The following ANKRD17 variants were observed in gnomAD, a reference collection of about 807,000 sequenced individuals.
The protein encoded by ANKRD17 is ankyrin repeat domain-containing protein 17.
Under a neutral mutation model 229.7 loss-of-function variants are expected in ANKRD17, and 19 were observed. The observed-to-expected ratio is 0.08, with a 90% CI of 0.06 to 0.12. The LOEUF is 0.12. Among genes scored for constraint, ANKRD17 ranks in the 10% least tolerant of loss-of-function variants. The pLI is 1.00. For synonymous variants in ANKRD17, 1,112 were observed against 1,146.1 expected (o/e 0.97, Z 0.60); for missense variants, 2,176 against 3,176.8 (o/e 0.68, Z 7.57).
chr4:73,132,974 C>T (rs759052631), intron 16 of ANKRD17, among the ~76,000 whole-genome samples: 7 of 152,072 alleles, frequency 4.6e-5, no homozygotes, highest in Non-Finnish European at 8.8e-5. Flanking sequence ...CAGCTGTGTG[C>T]GGTGGCACAC....
chr4:73,169,346 A>G (rs1733670376), intron 2 of ANKRD17, among the ~76,000 whole-genome samples: 1 of 152,248 alleles, frequency 6.6e-6, no homozygotes, highest in Non-Finnish European at 1.5e-5. Context: ...TCATGGTTTG[A>G]GTGCCAGCTA....
chr4:73,194,899 T>G (rs1172941087), intron 1 of ANKRD17, among the ~76,000 whole-genome samples: 1 of 152,178 alleles, frequency 6.6e-6, no homozygotes, highest in African/African-American at 2.4e-5. Context: ...ACATACTTTA[T>G]TAGATATATG....
At chr4:73,165,696 A>G (rs1578245100) in intron 2 of ANKRD17, among the ~76,000 whole-genome samples, 1 of 152,174 alleles carries the variant, frequency 6.6e-6, no homozygotes, top group Admixed American at 6.5e-5. Flanking sequence ...GACCCAATCA[A>G]ATGAGCTTGT....
At chr4:73,101,857 T>C (rs1376474885) in intron 25 of ANKRD17, among the ~76,000 whole-genome samples, 1 of 152,146 alleles carries the variant, frequency 6.6e-6, no homozygotes, top group Non-Finnish European at 1.5e-5. Context: ...ATCTGTCAAC[T>C]TGTCTGTAGT....
In ANKRD17 at chr4:73,078,862, T is replaced by G. The variant is rs1721269949; in HGVS notation, c.7188A>C (p.Gly2396=). 6.2e-7 allele frequency: 1 copy of G among 1,614,008 alleles called. No individual in the cohort carries two copies. Among genetic ancestry groups the G allele is most frequent in the South Asian group, 1.1e-5 (1 of 91,080 alleles). ...ATGGGGCAGGAGATGGTGCACGAACTCCCGAGGATACTGACTGTGCAGAAG... is the reference window on the plus strand; with the variant it reads ...ATGGGGCAGGAGATGGTGCACGAACGCCCGAGGATACTGACTGTGCAGAAG... ...NDSSAQSVSS[G]VRAPSPAPSS... Residue 2396 remains glycine, a synonymous_variant, in exon 31 of 34, where the codon GGA becomes GGC. Coordinates refer to ENST00000358602, the MANE Select transcript of ANKRD17 (RefSeq NM_032217.5).
chr4:73,085,982 C>A (rs1201192955), intron 29 of ANKRD17, among the ~76,000 whole-genome samples: 1 of 151,956 alleles, frequency 6.6e-6, no homozygotes, highest in Non-Finnish European at 1.5e-5. Context: ...CAGAGTGAGA[C>A]CCTGTCTCAC....
intron 30 of ANKRD17, among the ~76,000 whole-genome samples, chr4:73,081,824 T>C (rs1414950272): frequency 1.3e-5 from 2 of 152,144 alleles, no homozygotes; most frequent in African/African-American, 4.8e-5. Context: ...TGAGTTAAAA[T>C]TGAAAGAGCA....
At chr4:73,205,636 T>C (rs775659927) in intron 1 of ANKRD17, among the ~76,000 whole-genome samples, 3 of 152,052 alleles carry the variant, frequency 2.0e-5, no homozygotes, top group Non-Finnish European at 2.9e-5. Flanking sequence ...ACTGCAAAAC[T>C]ACTAGAAGAA....
chr4:73,097,705 C>CTTA (rs934803494), intron 26 of ANKRD17, among the ~76,000 whole-genome samples: 4 of 152,154 alleles, frequency 2.6e-5, no homozygotes, highest in African/African-American at 9.7e-5. Flanking sequence ...TCCCAAAGAG[C>CTTA]TATTATTATA....
chr4:73,085,373 G>A lies in ANKRD17; in HGVS notation c.7035C>T (p.Asn2345=), dbSNP rs777724214. The part of the protein sequence containing the change: ...SSTHLGNFAS[N]ISGGQMYGPG... Reference sequence around the variant, plus strand: ...GTCCGTACATCTGACCTCCTGAAATGTTTGAAGCAAAGTTTCCCAAATGTG... The same window carrying A: ...GTCCGTACATCTGACCTCCTGAAATATTTGAAGCAAAGTTTCCCAAATGTG... The change falls in exon 30 of 34, where the codon AAC becomes AAT. Residue 2345 remains asparagine, a synonymous_variant. Transcript: ENST00000358602. 3.1e-6 allele frequency: 5 copies of A among 1,614,116 alleles called. No individual in the cohort carries two copies. The highest frequency in any genetic ancestry group is 3.4e-6 in the Non-Finnish European group (4 of 1,180,018).
chr4:73,133,638 C>A (rs1309292821), intron 16 of ANKRD17, among the ~76,000 whole-genome samples: 1 of 152,038 alleles, frequency 6.6e-6, no homozygotes, highest in Non-Finnish European at 1.5e-5. Context: ...AGGTGATCCG[C>A]CCGCCTCAGC....
intron 16 of ANKRD17, 88 bp downstream of exon 16, chr4:73,135,029 T>G (rs1444189708): frequency 2.2e-6 from 3 of 1,366,780 alleles, no homozygotes; most frequent in African/African-American, 1.5e-5. Flanking sequence ...CAAAGCAGTC[T>G]TTCATGGTTT....
Position 73,120,311 on chromosome 4 carries a change from A to G in ANKRD17, c.3876T>C (p.Ala1292=), listed in dbSNP as rs1726546996. ...CCACCTCCGCATATCCACCAGAGGC[A>G]GCTTCCATTAGTGGTGTGAGACCAG... is the stretch of plus-strand genomic sequence containing the variant. ...AKTGLTPLME[A]ASGGYAEVGR... Residue 1292 remains alanine, a synonymous_variant, in exon 21 of 34, where the codon GCT becomes GCC. Coordinates refer to ENST00000358602, the MANE Select transcript of ANKRD17 (RefSeq NM_032217.5). 1.2e-6 allele frequency: 2 copies of G among 1,614,102 alleles called. No homozygotes were observed. Among genetic ancestry groups the G allele is most frequent in the Non-Finnish European group, 1.7e-6 (2 of 1,179,988 alleles).
chr4:73,175,715 C>T (rs1734647997), intron 2 of ANKRD17, among the ~76,000 whole-genome samples: 1 of 152,092 alleles, frequency 6.6e-6, no homozygotes, highest in Non-Finnish European at 1.5e-5. Flanking sequence ...AAAGAACAGT[C>T]TCTTCAATAA....
intron 1 of ANKRD17, among the ~76,000 whole-genome samples, chr4:73,192,204 C>T: frequency 6.6e-6 from 1 of 152,042 alleles, no homozygotes; most frequent in East Asian, 1.9e-4. Flanking sequence ...GGACAAAGAA[C>T]CTATTTTGTT....
At chr4:73,086,986 G>T (rs1388863514) in intron 29 of ANKRD17, among the ~76,000 whole-genome samples, 2 of 119,016 alleles carry the variant, frequency 1.7e-5, no homozygotes, top group Non-Finnish European at 3.4e-5. Flanking sequence ...AAGGACCAAA[G>T]AGTTGTATAA....
chr4:73,108,481 G>T (rs562355437), intron 24 of ANKRD17, among the ~76,000 whole-genome samples: 1 of 152,294 alleles, frequency 6.6e-6, no homozygotes, highest in South Asian at 2.1e-4. Context: ...AAAGGTAGGG[G>T]AGAAGAGGAG....
At chr4:73,097,964 G>C (rs539768721) in intron 26 of ANKRD17, 109 bp downstream of exon 26, 10 of 1,018,206 alleles carry the variant, frequency 9.8e-6, no homozygotes, top group Non-Finnish European at 1.4e-5. Flanking sequence ...TTAGCACAAA[G>C]AAAAATCCTA....
At chr4:73,202,181 T>C (rs1320708282) in intron 1 of ANKRD17, among the ~76,000 whole-genome samples, 1 of 151,984 alleles carries the variant, frequency 6.6e-6, no homozygotes, top group Non-Finnish European at 1.5e-5. Context: ...TTGGAAAGAC[T>C]TCCCACCTCT....
Sources: allele counts gnomAD v4.1 joint callset (sites outside exome capture counted in the v4.1 genomes callset), GRCh38; gene constraint gnomAD v4.1.1; transcripts MANE v1.5; gene names NCBI Gene and HGNC (gene_info 2026-07-23, HGNC 2026-07-21).